CNTN5: variants seen among roughly 807,000 people sequenced by gnomAD.
CNTN5 encodes contactin 5, also known as contactin-5.
In CNTN5, 77 loss-of-function variants were observed where a neutral mutation model predicts 129.1. That is an observed-to-expected ratio of 0.60 (90% CI 0.50 to 0.72). The LOEUF (loss-of-function observed/expected upper bound fraction) is 0.72. Ranked by LOEUF, CNTN5 falls within the 30% of genes least tolerant of loss-of-function variation. The pLI is 0.00. For synonymous variants in CNTN5, 509 were observed against 465.6 expected (o/e 1.09, Z -1.20); for missense variants, 1,478 against 1,328.8 (o/e 1.11, Z -1.75).
At chr11:99,187,439 C>A (rs1236211451) in intron 1 of CNTN5, among the ~76,000 whole-genome samples, 1 of 151,404 alleles carries the variant, frequency 6.6e-6, no homozygotes, top group African/African-American at 2.4e-5. Flanking sequence ...TATATTAATA[C>A]AAATTACAAT....
intron 2 of CNTN5, among the ~76,000 whole-genome samples, chr11:99,379,187 T>TTC (rs1419358984): frequency 6.6e-6 from 1 of 150,386 alleles, no homozygotes; most frequent in Non-Finnish European, 1.5e-5. Flanking sequence ...TTTCTTTTTT[T>TTC]TTTTTTACTG....
intron 1 of CNTN5, among the ~76,000 whole-genome samples, chr11:99,057,756 T>A (rs183711664): frequency 6.6e-6 from 1 of 151,006 alleles, no homozygotes; most frequent in Admixed American, 6.6e-5. Flanking sequence ...CAGTCATATA[T>A]GTAATAAGTA....
At chr11:99,628,294 C>A (rs1258890561) in intron 3 of CNTN5, among the ~76,000 whole-genome samples, 2 of 151,946 alleles carry the variant, frequency 1.3e-5, no homozygotes, top group African/African-American at 4.8e-5. Flanking sequence ...TTTTCTTTAA[C>A]TGTTTTTAAG....
intron 10 of CNTN5, among the ~76,000 whole-genome samples, chr11:100,069,912 A>T (rs1481447476): frequency 2.0e-5 from 3 of 151,198 alleles, no homozygotes; most frequent in Non-Finnish European, 3.0e-5. Flanking sequence ...TTGCACAAAT[A>T]AAAAAATTAT....
intron 16 of CNTN5, among the ~76,000 whole-genome samples, chr11:100,241,074 C>T (rs1949731737): frequency 6.6e-6 from 1 of 152,104 alleles, no homozygotes; most frequent in Admixed American, 6.5e-5. Flanking sequence ...TATTTTAGCA[C>T]CTCATATGGT....
chr11:99,146,467 C>T lies in CNTN5; in HGVS notation c.-210+125197C>T, dbSNP rs370817049. Among the ~76,000 whole-genome samples, 14 of 152,000 alleles carry T rather than the reference C, an allele frequency of 9.2e-5. No homozygotes were observed. In the South Asian group the frequency reaches 2.7e-3, roughly 29 times the overall value. ...AACCTACCTTGCAATAAACAAAATA[C>T]CATATATATATTAAGTCAAGCAAGA... On this transcript the variant is annotated intron_variant, in intron 1 of 24. Coordinates refer to ENST00000524871, the MANE Select transcript of CNTN5 (RefSeq NM_014361.4).
At chr11:99,171,216 C>A (rs1861134714) in intron 1 of CNTN5, among the ~76,000 whole-genome samples, 1 of 151,978 alleles carries the variant, frequency 6.6e-6, no homozygotes, top group Admixed American at 6.6e-5. Context: ...GATACATATG[C>A]CATCAATTAT....
At chr11:100,255,258 G>C (rs1591441119) in intron 16 of CNTN5, among the ~76,000 whole-genome samples, 1 of 152,132 alleles carries the variant, frequency 6.6e-6, no homozygotes, top group Non-Finnish European at 1.5e-5. Context: ...CACCTCCCCT[G>C]TTAGAGTCTA....
At chr11:100,177,834 T>C (rs1948017671) in intron 13 of CNTN5, among the ~76,000 whole-genome samples, 1 of 152,092 alleles carries the variant, frequency 6.6e-6, no homozygotes, top group Admixed American at 6.6e-5. Flanking sequence ...ATGGCCTACA[T>C]AGTCAACCCA....
At chr11:100,283,927 CAT>C (rs1167768430) in intron 18 of CNTN5, among the ~76,000 whole-genome samples, 4 of 152,130 alleles carry the variant, frequency 2.6e-5, no homozygotes, top group Non-Finnish European at 1.5e-5. Flanking sequence ...TCCTGGGTGA[CAT>C]AGCGAGACTC....
intron 2 of CNTN5, among the ~76,000 whole-genome samples, chr11:99,466,499 G>A (rs780308586): frequency 6.6e-6 from 1 of 151,844 alleles, no homozygotes; most frequent in Non-Finnish European, 1.5e-5. Flanking sequence ...TTTTTATATG[G>A]TTTCTTATAT....
intron 6 of CNTN5, among the ~76,000 whole-genome samples, chr11:99,911,770 G>A (rs1475390064): frequency 6.6e-6 from 1 of 151,142 alleles, no homozygotes; most frequent in East Asian, 1.9e-4. Context: ...AACTTTCTGA[G>A]TAGTTTGCCA....
At chr11:100,009,905 A>T (rs1940421777) in intron 9 of CNTN5, among the ~76,000 whole-genome samples, 1 of 152,200 alleles carries the variant, frequency 6.6e-6, no homozygotes. Flanking sequence ...TTTGGCAGTG[A>T]CATTATTACA....
chr11:99,027,589 A>C (rs990823645), intron 1 of CNTN5, among the ~76,000 whole-genome samples: 1 of 151,648 alleles, frequency 6.6e-6, no homozygotes, highest in Non-Finnish European at 1.5e-5. Flanking sequence ...TCTGAACCAA[A>C]GTTTACTTAT....
At chr11:99,429,502 C>T (rs915586225) in intron 2 of CNTN5, among the ~76,000 whole-genome samples, 1 of 152,082 alleles carries the variant, frequency 6.6e-6, no homozygotes, top group African/African-American at 2.4e-5. Context: ...AAATACACAT[C>T]TCAAAGGACA....
chr11:99,861,857 C>T (rs566587504), intron 6 of CNTN5, among the ~76,000 whole-genome samples: 1 of 152,202 alleles, frequency 6.6e-6, no homozygotes, highest in South Asian at 2.1e-4. Context: ...TTTCTAGCAT[C>T]AAAAATTTAT....
chr11:99,879,542 C>T (rs971593998), intron 6 of CNTN5, among the ~76,000 whole-genome samples: 1 of 152,100 alleles, frequency 6.6e-6, no homozygotes, highest in Non-Finnish European at 1.5e-5. Flanking sequence ...AAACTTCTAT[C>T]GATGTTACTT....
intron 21 of CNTN5, among the ~76,000 whole-genome samples, chr11:100,330,505 T>A (rs1377457667): frequency 6.7e-6 from 1 of 149,568 alleles, no homozygotes; most frequent in Non-Finnish European, 1.5e-5. Flanking sequence ...CACAAAAAGA[T>A]CATCACCTAG....
At chr11:99,255,605 G>A (rs928376357) in intron 1 of CNTN5, among the ~76,000 whole-genome samples, 2 of 150,972 alleles carry the variant, frequency 1.3e-5, no homozygotes, top group Non-Finnish European at 3.0e-5. Flanking sequence ...GGAGATTAAC[G>A]GACCACAAAA....
Sources: allele counts gnomAD v4.1 joint callset (sites outside exome capture counted in the v4.1 genomes callset), GRCh38; gene constraint gnomAD v4.1.1; transcripts MANE v1.5; gene names NCBI Gene and HGNC (gene_info 2026-07-23, HGNC 2026-07-21).